The following ADAMTS6 variants were observed in gnomAD, a reference collection of about 807,000 sequenced individuals.
ADAMTS6 encodes the protein ADAM metallopeptidase with thrombospondin type 1 motif 6, also known as A disintegrin and metalloproteinase with thrombospondin motifs 6.
Under a neutral mutation model 144.3 loss-of-function variants are expected in ADAMTS6, and 23 were observed. The ratio of observed to expected loss-of-function variants is 0.16; its 90% confidence interval spans 0.11 to 0.23. The LOEUF is 0.23. Among genes scored for constraint, ADAMTS6 ranks in the 10% least tolerant of loss-of-function variants. The pLI is 1.00. For missense variants in ADAMTS6, 999 were observed against 1,379.6 expected, an observed-to-expected ratio of 0.72 and a Z score of 4.37; for synonymous variants, 444 against 457.5, an observed-to-expected ratio of 0.97 and a Z score of 0.38.
chr5:65,296,036 T>C (rs908462602), intron 10 of ADAMTS6, among the ~76,000 whole-genome samples: 5 of 152,134 alleles, frequency 3.3e-5, no homozygotes, highest in Admixed American at 2.6e-4. Context: ...TTAATTGTGA[T>C]TTTAGATGTA....
chr5:65,390,861 T>C (rs1385683060), intron 7 of ADAMTS6, among the ~76,000 whole-genome samples: 3 of 152,234 alleles, frequency 2.0e-5, no homozygotes, highest in African/African-American at 7.2e-5. Flanking sequence ...TTATGTGATA[T>C]ACTTTCAGAT....
intron 12 of ADAMTS6, among the ~76,000 whole-genome samples, chr5:65,270,588 T>C (rs1396827938): frequency 2.0e-5 from 3 of 152,218 alleles, no homozygotes; most frequent in Non-Finnish European, 4.4e-5. Flanking sequence ...TCTAGGAATC[T>C]GCATTTGTAT....
chr5:65,286,081 A>C (rs749209904), intron 11 of ADAMTS6, among the ~76,000 whole-genome samples: 3 of 152,188 alleles, frequency 2.0e-5, no homozygotes, highest in Non-Finnish European at 2.9e-5. Flanking sequence ...AGCTATACCG[A>C]AATGTTATCA....
intron 7 of ADAMTS6, among the ~76,000 whole-genome samples, chr5:65,439,306 A>G (rs781590886): frequency 7.2e-5 from 11 of 152,172 alleles, no homozygotes; most frequent in South Asian, 2.1e-4. Context: ...TCTCGAGGTA[A>G]CTTGCCAAAA....
chr5:65,361,921 G>C (rs1364754711), intron 7 of ADAMTS6, among the ~76,000 whole-genome samples: 1 of 152,076 alleles, frequency 6.6e-6, no homozygotes, highest in Non-Finnish European at 1.5e-5. Context: ...TTGTTGTAGA[G>C]AAAAGGTTTC....
Position 65,304,494 on chromosome 5 carries a change from G to A in ADAMTS6, c.1224-4363C>T, listed in dbSNP as rs919786667. Among the ~76,000 whole-genome samples the A allele has an allele frequency of 5.3e-5, 8 of 152,156 alleles. No homozygotes were observed. The South Asian group carries it at 6.2e-4, about 12-fold the overall frequency. On this transcript the variant is annotated intron_variant, in intron 9 of 24. Coordinates refer to ENST00000381055, the MANE Select transcript of ADAMTS6 (RefSeq NM_197941.4). ...GTCACCAAGGCTGGAGTGCAGTGGC[G>A]CAATCATGGCTCACTGCAGCCTCGA...
At chr5:65,171,145 G>C (rs1214083425) in intron 23 of ADAMTS6, among the ~76,000 whole-genome samples, 1 of 152,038 alleles carries the variant, frequency 6.6e-6, no homozygotes, top group Non-Finnish European at 1.5e-5. Context: ...GAGTAGCTGG[G>C]ACTACAGGCA....
chr5:65,180,698 T>C (rs189849892), intron 22 of ADAMTS6, among the ~76,000 whole-genome samples: 259 of 141,586 alleles, frequency 1.8e-3, no homozygotes, highest in African/African-American at 7.7e-3. Flanking sequence ...ATACTGCATT[T>C]TGATTTAAAA....
chr5:65,461,840 T>C (rs192052224), intron 3 of ADAMTS6, among the ~76,000 whole-genome samples: 7 of 152,330 alleles, frequency 4.6e-5, no homozygotes, highest in East Asian at 3.9e-4. Context: ...AAAAGAAAGC[T>C]GAAAACCTCT....
chr5:65,231,852 G>C (rs1264027078), intron 15 of ADAMTS6, among the ~76,000 whole-genome samples: 1 of 152,110 alleles, frequency 6.6e-6, no homozygotes, highest in Admixed American at 6.6e-5. Context: ...GCTCACACCT[G>C]TAATCTCACC....
chr5:65,359,564 G>A (rs1749634620), intron 7 of ADAMTS6, among the ~76,000 whole-genome samples: 1 of 152,098 alleles, frequency 6.6e-6, no homozygotes, highest in Admixed American at 6.6e-5. Context: ...TATGTCCAAA[G>A]TCAATTCACT....
chr5:65,390,929 A>T (rs1752859210), intron 7 of ADAMTS6, among the ~76,000 whole-genome samples: 1 of 150,136 alleles, frequency 6.7e-6, no homozygotes, highest in Non-Finnish European at 1.5e-5. Flanking sequence ...TGCCTTGGGA[A>T]GTTGGTTTTG....
intron 7 of ADAMTS6, among the ~76,000 whole-genome samples, chr5:65,406,376 A>T (rs1754488752): frequency 6.7e-6 from 1 of 149,624 alleles, no homozygotes; most frequent in Non-Finnish European, 1.5e-5. Flanking sequence ...AATTTTGTCA[A>T]AGGCCTTTTC....
At chr5:65,261,650 G>A (rs1761208965) in intron 13 of ADAMTS6, among the ~76,000 whole-genome samples, 1 of 152,162 alleles carries the variant, frequency 6.6e-6, no homozygotes, top group South Asian at 2.1e-4. Flanking sequence ...AAGGGAAATG[G>A]CTCAGCTTGA....
intron 7 of ADAMTS6, among the ~76,000 whole-genome samples, chr5:65,402,162 AT>A (rs1307614536): frequency 6.6e-6 from 1 of 151,772 alleles, no homozygotes; most frequent in Non-Finnish European, 1.5e-5. Flanking sequence ...TCTTCACATA[AT>A]TTTTTTCTCT....
At chr5:65,371,034 G>C (rs552072961) in intron 7 of ADAMTS6, among the ~76,000 whole-genome samples, 41 of 152,096 alleles carry the variant, frequency 2.7e-4, no homozygotes, top group African/African-American at 9.9e-4. Context: ...CACATGGCCG[G>C]GTACTCCAAC....
At chr5:65,300,370 C>T (rs1292845553) in intron 9 of ADAMTS6, among the ~76,000 whole-genome samples, 3 of 152,146 alleles carry the variant, frequency 2.0e-5, no homozygotes, top group East Asian at 3.8e-4. Context: ...CACCTGTTAT[C>T]GCACGTTTCA....
At chr5:65,380,305 C>T (rs1240297992) in intron 7 of ADAMTS6, among the ~76,000 whole-genome samples, 1 of 151,990 alleles carries the variant, frequency 6.6e-6, no homozygotes, top group Admixed American at 6.6e-5. Context: ...GGAGTGGTGG[C>T]TTATGCTTGT....
At chr5:65,303,111 C>A (rs1337393107) in intron 9 of ADAMTS6, among the ~76,000 whole-genome samples, 2 of 152,072 alleles carry the variant, frequency 1.3e-5, no homozygotes, top group Non-Finnish European at 2.9e-5. Flanking sequence ...TAAACCATAT[C>A]AGGTAGTTTC....
Sources: gnomAD v4.1 joint callset for allele counts (sites outside exome capture counted in the v4.1 genomes callset) on GRCh38, gnomAD v4.1.1 for gene constraint, MANE v1.5 for transcripts, NCBI Gene and HGNC (gene_info 2026-07-23, HGNC 2026-07-21) for gene names.